SEMA3B: variants seen among roughly 807,000 people sequenced by gnomAD.
SEMA3B encodes the protein semaphorin-3B.
A neutral mutation model predicts 77.8 loss-of-function variants in SEMA3B; 71 were observed. The ratio of observed to expected loss-of-function variants is 0.91; its 90% CI spans 0.75 to 1.11. The LOEUF is 1.11. Ranked by LOEUF, SEMA3B falls within the 50% of genes most tolerant of loss-of-function variation. SEMA3B has a pLI of 0.00. For missense variants in SEMA3B, 968 were observed against 1,056.8 expected, an observed-to-expected ratio of 0.92 and a Z score of 1.17; for synonymous variants, 470 against 452.9, an observed-to-expected ratio of 1.04 and a Z score of -0.48.
In SEMA3B at chr3:50,275,840, C is replaced by G. The variant is rs782216590; in HGVS notation, c.1841C>G (p.Thr614Ser). ...TFQRAGVTAH[T>S]QVLAEERTER... is the part of the protein sequence containing the mutation. ...CAGCGCGCAGGGGTGACAGCCCACACCCAGGTGAGCCTTACTCCGCCCTCC... is the reference window on the plus strand; with the variant it reads ...CAGCGCGCAGGGGTGACAGCCCACAGCCAGGTGAGCCTTACTCCGCCCTCC... Residue 614 changes from threonine to serine, a missense_variant, in exon 16 of 17, where the codon ACC becomes AGC. By Grantham distance (58) the Thr-to-Ser change is moderately conservative. Transcript: ENST00000616701. The surrounding 1 kb of genome is among the most constrained non-coding windows in gnomAD (Gnocchi z 7.5). 10 of 1,596,460 alleles carry G rather than the reference C, an allele frequency of 6.3e-6. No homozygotes were observed. Among genetic ancestry groups the G allele is most frequent in the Non-Finnish European group, 7.7e-6 (9 of 1,174,118 alleles).
rs1250708510 is a variant in SEMA3B at position 50,277,343 on chromosome 3, G to A, written c.*637G>A. On this transcript the variant is annotated 3_prime_UTR_variant, in exon 17 of 17. Transcript: ENST00000616701. ...CCAGGCGGACGGATCACGAGGTCAG[G>A]AGATGGAAACCATCCCGGCTAACAC... 6.6e-6 allele frequency: 1 copy of A among 151,974 alleles called. No individual in the cohort carries two copies. The highest frequency in any genetic ancestry group is 1.5e-5 in the Non-Finnish European group (1 of 68,042). 9.4% of individuals were successfully genotyped at this position (151,974 alleles called of 1,614,324 possible).
Position 50,275,375 on chromosome 3 carries a change from T to C in SEMA3B, c.1565T>C (p.Val522Ala). ...CACCGCTGCGCTGCCCACGGCCGCG[T>C]CTGCACCGAATGCTGTCTGGCGCGT... ...ALHRCAAHGR[V>A]CTECCLARDP... The change falls in exon 14 of 17, where the codon GTC (valine) becomes GCC (alanine). Residue 522 changes from valine to alanine, a missense_variant. Coordinates refer to ENST00000616701, the MANE Select transcript of SEMA3B (RefSeq NM_001290060.2). This position sits in a 1 kb window ranked among gnomAD's most constrained non-coding sequence, Gnocchi z 7.5. The C allele has an allele frequency of 6.3e-7, 1 of 1,588,300 alleles. No homozygotes were observed. The highest frequency in any genetic ancestry group is 8.6e-7 in the Non-Finnish European group (1 of 1,168,488).
In SEMA3B at chr3:50,275,605, G is replaced by A. The variant is rs1553706444; in HGVS notation, c.1695G>A (p.Leu565=). 2 of 1,613,722 alleles carry A rather than the reference G, an allele frequency of 1.2e-6. No homozygotes were observed. ...TAAGGAATGGCGACCCCAGCACGTT[G>A]TGCTCCGGAGGTGAGTGCCCCAGCT... is the stretch of plus-strand genomic sequence containing the variant. The part of the protein sequence containing the change: ...QDVRNGDPST[L]CSGDSSRPAL... The change falls in exon 15 of 17, where the codon TTG becomes TTA. Residue 565 remains leucine, a synonymous_variant. Coordinates refer to ENST00000616701, the MANE Select transcript of SEMA3B (RefSeq NM_001290060.2). The surrounding 1 kb of genome is among the most constrained non-coding windows in gnomAD (Gnocchi z 7.5).
Position 50,274,798 on chromosome 3 carries a change from C to G in SEMA3B, c.1358-45C>G. 6.3e-7 allele frequency: 1 copy of G among 1,590,024 alleles called. No homozygotes were observed. The highest frequency in any genetic ancestry group is 8.6e-7 in the Non-Finnish European group (1 of 1,165,748). On this transcript the variant is annotated intron_variant, in intron 11 of 16. Transcript: ENST00000616701. This position sits in a 1 kb window ranked among gnomAD's most constrained non-coding sequence, Gnocchi z 4.7. ...AAAGGCGAGGAGACACTAGCCCCAG[C>G]TGTCCGGGAGCACCAATGGTCATTA... is the stretch of plus-strand genomic sequence containing the variant.
rs1575475406 is a variant in SEMA3B, at chr3:50,275,945, T to C, written c.1845+101T>C. 7.3e-7 allele frequency: 1 copy of C among 1,362,322 alleles called. No homozygotes were observed. Among genetic ancestry groups the C allele is most frequent in the Non-Finnish European group, 9.5e-7 (1 of 1,050,840 alleles). 84.4% of individuals were successfully genotyped at this position (1,362,322 alleles called of 1,614,324 possible). ...CGAAGCCCCGTCCAACCAGACCCAC[T>C]CCCCGCCCTGTCCAGTTTGGTCCCT... On this transcript the variant is annotated intron_variant, in intron 16 of 16. Transcript: ENST00000616701. This position sits in a 1 kb window ranked among gnomAD's most constrained non-coding sequence, Gnocchi z 7.5.
chr3:50,271,212 C>A (rs1553705323), intron 5 of SEMA3B, 31 bp downstream of exon 5: 1 of 1,552,824 alleles, frequency 6.4e-7, no homozygotes, highest in South Asian at 1.2e-5. Flanking sequence ...CCCAAGAGAA[C>A]CCCTTAGAAA....
At chr3:50,271,607 G>C in intron 6 of SEMA3B, 127 bp downstream of exon 6, 1 of 1,345,028 alleles carries the variant, frequency 7.4e-7, no homozygotes, top group Non-Finnish European at 1.0e-6. Context: ...CCTTAATCAG[G>C]CACTGGCGTC....
chr3:50,272,920 TG>T (rs1438896027), intron 6 of SEMA3B, among the ~76,000 whole-genome samples: 7 of 149,528 alleles, frequency 4.7e-5, no homozygotes, highest in Non-Finnish European at 7.4e-5. Flanking sequence ...GAAGCAGGAG[TG>T]GGGAGCATCT....
chr3:50,266,587 C>T (rs1181294901), upstream of SEMA3B: 7 of 152,324 alleles, frequency 4.6e-5, no homozygotes. Context: ...GCCCCATCAG[C>T]CTTGGGAGGT....
At chr3:50,265,572 C>G (rs1382790268), upstream of SEMA3B, among the ~76,000 whole-genome samples, 3 of 152,240 alleles carry the variant, frequency 2.0e-5, no homozygotes, top group Non-Finnish European at 4.4e-5. Flanking sequence ...AGCCCCAGAG[C>G]AAGGACCCAG....
chr3:50,272,899 CAGA>C (rs1365008486), intron 6 of SEMA3B, among the ~76,000 whole-genome samples: 1 of 108,690 alleles, frequency 9.2e-6, no homozygotes, highest in Non-Finnish European at 1.8e-5. Flanking sequence ...TGGGACCCAG[CAGA>C]AGGATTTGAA....
rs1701130544 is a variant in SEMA3B at position 50,273,823 on chromosome 3, G to A, written c.987G>A (p.Thr329=). ...CGCTGCTCTATGCCGTCTTCTCCACGTCCAGGTGAGGGGCAGGAGGTAGGG... is the reference window on the plus strand; with the variant it reads ...CGCTGCTCTATGCCGTCTTCTCCACATCCAGGTGAGGGGCAGGAGGTAGGG... The part of the protein sequence containing the change: ...RTPLLYAVFS[T]SSSIFQGSAV... Residue 329 remains threonine, a synonymous_variant, in exon 9 of 17, where the codon ACG becomes ACA. Coordinates refer to ENST00000616701, the MANE Select transcript of SEMA3B (RefSeq NM_001290060.2). The surrounding 1 kb of genome is among the most constrained non-coding windows in gnomAD (Gnocchi z 6.5). The A allele has an allele frequency of 1.3e-6, 2 of 1,579,290 alleles. No homozygotes were observed. The highest frequency in any genetic ancestry group is 1.7e-6 in the Non-Finnish European group (2 of 1,162,724).
rs781874311 is a variant in SEMA3B at position 50,273,680 on chromosome 3, G to A, written c.922+34G>A. On this transcript the variant is annotated intron_variant, in intron 8 of 16. Transcript: ENST00000616701. The surrounding 1 kb of genome is among the most constrained non-coding windows in gnomAD (Gnocchi z 6.5). ...GGGAGTGGGTATGGGGTTGGGGAGG[G>A]GGGCAGCGGCGCAGACTCCGGGAGC... 5.0e-6 allele frequency: 8 copies of A among 1,603,626 alleles called. No individual in the cohort carries two copies. In the East Asian group the frequency reaches 1.3e-4, roughly 27 times the overall value.
upstream of SEMA3B, among the ~76,000 whole-genome samples, chr3:50,264,743 G>A (rs947180343): frequency 2.0e-5 from 3 of 152,180 alleles, no homozygotes; most frequent in Non-Finnish European, 2.9e-5. Context: ...CCACCCTGCC[G>A]GGCTCCAGAG....
At position 50,274,811 on chromosome 3, in the gene SEMA3B, C is replaced by G. The variant is rs1553706179; in HGVS notation, c.1358-32C>G. 5.0e-6 allele frequency: 8 copies of G among 1,604,042 alleles called. No individual in the cohort carries two copies. The South Asian group carries it at 8.9e-5, about 18-fold the overall frequency. ...CACTAGCCCCAGCTGTCCGGGAGCA[C>G]CAATGGTCATTACCCCTTCTCATCC... On this transcript the variant is annotated intron_variant, in intron 11 of 16. Transcript: ENST00000616701. This position sits in a 1 kb window ranked among gnomAD's most constrained non-coding sequence, Gnocchi z 4.7.
rs782605688 is a variant in SEMA3B, at chr3:50,276,677, CG to C, written c.2226del (p.Pro743ArgfsTer143). 1 of 1,558,376 alleles carries C rather than the reference CG, an allele frequency of 6.4e-7. No individual in the cohort carries two copies. Among genetic ancestry groups the C allele is most frequent in the Non-Finnish European group, 8.6e-7 (1 of 1,159,922 alleles). On this transcript the variant is annotated frameshift_variant, in exon 17 of 17. Transcript: ENST00000616701. LOFTEE classifies it high-confidence loss of function. This position sits in a 1 kb window ranked among gnomAD's most constrained non-coding sequence, Gnocchi z 5.8. ...CCACGCCCCTGAGCCTCGCGCTGAGCGGGGGCCGCGCAGCGCAACGCACTGG... is the reference window on the plus strand; with the variant it reads ...CCACGCCCCTGAGCCTCGCGCTGAGCGGGGCCGCGCAGCGCAACGCACTGG... ...RTHAPEPRAE[R>X]GPRSATHW
upstream of SEMA3B, among the ~76,000 whole-genome samples, chr3:50,263,783 G>T (rs587649363): frequency 1.1e-3 from 168 of 152,136 alleles, no homozygotes; most frequent in Non-Finnish European, 1.9e-3. Context: ...GACTTGGGAA[G>T]GGAGAAGACT....
At position 50,276,684 on chromosome 3, in the gene SEMA3B, C is replaced by T. The variant is rs782591812; in HGVS notation, c.2228C>T (p.Pro743Leu). Residue 743 changes from proline (P) to leucine (L), a missense_variant, in exon 17 of 17, where the codon CCG (proline) becomes CTG (leucine). By Grantham distance (98) the Pro-to-Leu change is moderately conservative. Transcript: ENST00000616701. This position sits in a 1 kb window ranked among gnomAD's most constrained non-coding sequence, Gnocchi z 5.8. ...HAPEPRAERGPRSATHW is the reference protein window; with the variant it reads ...HAPEPRAERGLRSATHW Reference sequence around the variant, plus strand: ...CCTGAGCCTCGCGCTGAGCGGGGGCCGCGCAGCGCAACGCACTGGTGACCA... The same window carrying T: ...CCTGAGCCTCGCGCTGAGCGGGGGCTGCGCAGCGCAACGCACTGGTGACCA... 6.5e-7 allele frequency: 1 copy of T among 1,548,716 alleles called. No individual in the cohort carries two copies. The highest frequency in any genetic ancestry group is 1.2e-5 in the South Asian group (1 of 83,294).
In SEMA3B at chr3:50,274,406, TC is replaced by T; in HGVS notation, c.1184del (p.Pro395GlnfsTer64). 6.6e-7 allele frequency: 1 copy of T among 1,505,100 alleles called. No homozygotes were observed. The highest frequency in any genetic ancestry group is 8.9e-7 in the Non-Finnish European group (1 of 1,127,860). The allele number at this position is 1,505,100 out of a possible 1,614,324, so 93.2% of individuals were successfully genotyped here. The stretch of plus-strand genomic sequence containing the variant: ...GGCACCTTCAGTTCCACCAAGGACT[TC>T]CCAGACGATGTCATCCAGTTTGCGC... ...TFGTFSSTKD[F>X]PDDVIQFARN... is the part of the protein sequence containing the mutation. On this transcript the variant is annotated frameshift_variant, in exon 11 of 17. Coordinates refer to ENST00000616701, the MANE Select transcript of SEMA3B (RefSeq NM_001290060.2). LOFTEE classifies it high-confidence loss of function. The surrounding 1 kb of genome is among the most constrained non-coding windows in gnomAD (Gnocchi z 4.7).
Sources: allele counts gnomAD v4.1 joint callset (sites outside exome capture counted in the v4.1 genomes callset), GRCh38; gene constraint gnomAD v4.1.1; non-coding constraint Gnocchi (gnomAD v3.1); transcripts MANE v1.5; gene names NCBI Gene and HGNC (gene_info 2026-07-23, HGNC 2026-07-21).